SLC45A4: variants seen among roughly 807,000 people sequenced by gnomAD.
SLC45A4 encodes polyamine-transporter SLC45A4.
A neutral mutation model predicts 63.7 loss-of-function variants in SLC45A4; 32 were observed. The ratio of observed to expected loss-of-function variants is 0.50; its 90% confidence interval spans 0.38 to 0.67. SLC45A4 has a LOEUF of 0.67. Among genes scored for constraint, SLC45A4 ranks in the 30% least tolerant of loss-of-function variants. The pLI, the probability that SLC45A4 is intolerant of heterozygous loss-of-function variation, is 0.00. For missense variants in SLC45A4, 1,027 were observed against 1,157.7 expected, an observed-to-expected ratio of 0.89 and a Z score of 1.64; for synonymous variants, 535 against 510.0, an observed-to-expected ratio of 1.05 and a Z score of -0.66.
At chr8:141,265,323 C>G (rs1829222835) in intron 1 of SLC45A4, among the ~76,000 whole-genome samples, 1 of 152,198 alleles carries the variant, frequency 6.6e-6, no homozygotes, top group Non-Finnish European at 1.5e-5. Flanking sequence ...CTCCCCCAGT[C>G]ACTTCATCTC....
rs866298865 is a variant in SLC45A4 at position 141,272,537 on chromosome 8, C to T, written c.-400-17908G>A. 1.6e-4 allele frequency among the ~76,000 whole-genome samples: 24 copies of T among 152,346 alleles called. No individual in the cohort carries two copies. In the Middle Eastern group the frequency reaches 0.01, roughly 65 times the overall value. The stretch of plus-strand genomic sequence containing the variant: ...GTGAACAGGGCGGTACCTTACAACA[C>T]AGAGTCAGACCAGCCATTCCTCACC... On this transcript the variant is annotated intron_variant, in intron 1 of 8. Transcript: ENST00000517878.
At chr8:141,283,796 C>G (rs1341519712) in intron 1 of SLC45A4, among the ~76,000 whole-genome samples, 1 of 152,192 alleles carries the variant, frequency 6.6e-6, no homozygotes, top group Non-Finnish European at 1.5e-5. Flanking sequence ...CCACCCTGCT[C>G]CCTACTGCAG....
At chr8:141,292,082 A>G (rs372549406) in intron 1 of SLC45A4, among the ~76,000 whole-genome samples, 1 of 152,240 alleles carries the variant, frequency 6.6e-6, no homozygotes, top group African/African-American at 2.4e-5. Context: ...ATCACAGCAC[A>G]GAGAAACCAG....
At chr8:141,216,423 C>T (rs373637750) in intron 6 of SLC45A4, among the ~76,000 whole-genome samples, 1 of 152,236 alleles carries the variant, frequency 6.6e-6, no homozygotes, top group South Asian at 2.1e-4. Flanking sequence ...CTTCCTGATG[C>T]GGCAGCTCAG....
chr8:141,214,695 C>T (rs1188110278), intron 7 of SLC45A4, among the ~76,000 whole-genome samples: 2 of 152,152 alleles, frequency 1.3e-5, no homozygotes, highest in Non-Finnish European at 2.9e-5. Context: ...TATTACAAAA[C>T]TAGTGAGAGA....
intron 2 of SLC45A4, among the ~76,000 whole-genome samples, chr8:141,232,334 A>G (rs1339256710): frequency 6.6e-6 from 1 of 152,264 alleles, no homozygotes; most frequent in African/African-American, 2.4e-5. Context: ...CCCTTCAGCT[A>G]TAAGCCTTTA....
intron 1 of SLC45A4, among the ~76,000 whole-genome samples, chr8:141,264,710 C>T (rs770293183): frequency 6.6e-6 from 1 of 152,336 alleles, no homozygotes; most frequent in African/African-American, 2.4e-5. Flanking sequence ...CTGACGCCTT[C>T]GGGGAGAACT....
chr8:141,288,617 T>C (rs371824329), intron 1 of SLC45A4, among the ~76,000 whole-genome samples: 1 of 152,366 alleles, frequency 6.6e-6, no homozygotes, highest in Admixed American at 6.5e-5. Context: ...ACCTGTGTAC[T>C]GACTATGGCA....
At chr8:141,282,733 G>A (rs1283243189) in intron 1 of SLC45A4, among the ~76,000 whole-genome samples, 3 of 152,238 alleles carry the variant, frequency 2.0e-5, no homozygotes, top group Non-Finnish European at 2.9e-5. Flanking sequence ...CACTGCCTTC[G>A]CGATTTGGGA....
At chr8:141,223,411 A>C (rs1454577656) in intron 2 of SLC45A4, among the ~76,000 whole-genome samples, 1 of 152,220 alleles carries the variant, frequency 6.6e-6, no homozygotes, top group Non-Finnish European at 1.5e-5. Context: ...TATTTCTCAG[A>C]AAAGTCTCTT....
rs761891254 is a variant in SLC45A4 at position 141,218,513 on chromosome 8, T to TTATCCAGCA, written c.1118_1126dup (p.Asp375_Asn376insMetLeuAsp). 6.2e-7 allele frequency: 1 copy of TTATCCAGCA among 1,613,536 alleles called. No homozygotes were observed. Among genetic ancestry groups the TTATCCAGCA allele is most frequent in the South Asian group, 1.1e-5 (1 of 91,086 alleles). ...TGGGACTTTAGCTTCATTCAAGTGA[T>TTATCCAGCA]TATCCAGCAAGGTCTCGTCCTCCTT... On this transcript the variant is annotated inframe_insertion, in exon 5 of 9. Transcript: ENST00000517878.
intron 2 of SLC45A4, among the ~76,000 whole-genome samples, chr8:141,241,987 G>A (rs145887167): frequency 9.2e-4 from 140 of 152,338 alleles, no homozygotes; most frequent in African/African-American, 3.0e-3. Flanking sequence ...CACGGACAGC[G>A]GGACAGCCCG....
At chr8:141,241,579 A>C (rs1424849442) in intron 2 of SLC45A4, among the ~76,000 whole-genome samples, 1 of 73,092 alleles carries the variant, frequency 1.4e-5, no homozygotes, top group Non-Finnish European at 4.3e-5. Context: ...AAGAAAAAAA[A>C]AAGAAAAACA....
intron 2 of SLC45A4, chr8:141,224,903 AT>A (rs1460025815): frequency 2.6e-5 from 4 of 152,220 alleles, no homozygotes; most frequent in Non-Finnish European, 4.4e-5. Flanking sequence ...CTGTTGACAT[AT>A]CATGAAGTCC....
At position 141,221,881 on chromosome 8, in the gene SLC45A4, C is replaced by A. The variant is rs1256021580; in HGVS notation, c.242-116G>T. On this transcript the variant is annotated intron_variant, in intron 2 of 8. Transcript: ENST00000517878. ...TGTGTACACGCACGCATGCGCACAT[C>A]CCCTGCTCAGGTTGTCTCCACGGGG... 8 of 1,084,870 alleles carry A rather than the reference C, an allele frequency of 7.4e-6. No homozygotes were observed. The East Asian group carries it at 7.6e-5, about 10-fold the overall frequency. 67.2% of individuals were successfully genotyped at this position (1,084,870 alleles called of 1,614,324 possible).
chr8:141,306,117 C>G (rs1453102774), intron 1 of SLC45A4, among the ~76,000 whole-genome samples: 1 of 151,796 alleles, frequency 6.6e-6, no homozygotes, highest in Admixed American at 6.6e-5. Context: ...TTTCACGATG[C>G]GACAAGGGCC....
intron 2 of SLC45A4, among the ~76,000 whole-genome samples, chr8:141,248,322 C>T (rs943781474): frequency 6.6e-6 from 1 of 152,226 alleles, no homozygotes; most frequent in African/African-American, 2.4e-5. Context: ...ATAGCCCCAG[C>T]ACTCTGGGAC....
chr8:141,217,015 G>A, intron 6 of SLC45A4, 75 bp downstream of exon 6: 1 of 1,469,876 alleles, frequency 6.8e-7, no homozygotes. Flanking sequence ...CTAAGGTGCA[G>A]GATTCTCTCG....
Position 141,229,928 on chromosome 8 carries a change from A to G in SLC45A4, c.242-8163T>C, listed in dbSNP as rs1414133655. Among the ~76,000 whole-genome samples the G allele has an allele frequency of 6.6e-6, 1 of 152,200 alleles. No homozygotes were observed. Among genetic ancestry groups the G allele is most frequent in the Non-Finnish European group, 1.5e-5 (1 of 68,042 alleles). On this transcript the variant is annotated intron_variant, in intron 2 of 8. Coordinates refer to ENST00000517878, the MANE Select transcript of SLC45A4 (RefSeq NM_001286646.2). This position sits in a 1 kb window ranked among gnomAD's most constrained non-coding sequence, Gnocchi z 5.0. Reference sequence around the variant, plus strand: ...GAGATTAAAGGAGAACATGGTGCGCACAGCTCAGCGCTGGACACTAGATCC... The same window carrying G: ...GAGATTAAAGGAGAACATGGTGCGCGCAGCTCAGCGCTGGACACTAGATCC...
Sources: gnomAD v4.1 joint callset for allele counts (sites outside exome capture counted in the v4.1 genomes callset) on GRCh38, gnomAD v4.1.1 for gene constraint, Gnocchi (gnomAD v3.1) non-coding constraint, MANE v1.5 for transcripts, NCBI Gene and HGNC (gene_info 2026-07-23, HGNC 2026-07-21) for gene names.